The following FSTL4 variants were observed in gnomAD, a reference collection of about 807,000 sequenced individuals.
FSTL4 encodes follistatin like 4, also known as follistatin-related protein 4.
In FSTL4, 28 loss-of-function variants were observed where a neutral mutation model predicts 78.2. The ratio of observed to expected loss-of-function variants is 0.36; its 90% CI spans 0.27 to 0.49. FSTL4 has a LOEUF of 0.49. FSTL4 is among the 20% of genes least tolerant of loss of function. The pLI is 0.98. For synonymous variants in FSTL4, 422 were observed against 440.5 expected (o/e 0.96, Z 0.53); for missense variants, 922 against 1,084.9 (o/e 0.85, Z 2.11).
intron 7 of FSTL4, among the ~76,000 whole-genome samples, chr5:133,239,673 T>C (rs1203174975): frequency 6.6e-6 from 1 of 152,208 alleles, no homozygotes; most frequent in Non-Finnish European, 1.5e-5. Context: ...TCAAGGTTTG[T>C]AAACCCACCA....
chr5:133,422,804 T>G (rs775586054), intron 3 of FSTL4, among the ~76,000 whole-genome samples: 4 of 152,394 alleles, frequency 2.6e-5, no homozygotes, highest in Admixed American at 6.5e-5. Context: ...ATTCTATCTC[T>G]ACATTAGGAA....
intron 3 of FSTL4, among the ~76,000 whole-genome samples, chr5:133,470,927 G>A (rs1296063822): frequency 6.6e-6 from 1 of 151,956 alleles, no homozygotes; most frequent in East Asian, 1.9e-4. Flanking sequence ...TAAGAGAAAA[G>A]TAACAGAAAA....
At chr5:133,280,343 T>G (rs150495477) in intron 6 of FSTL4, among the ~76,000 whole-genome samples, 29 of 152,242 alleles carry the variant, frequency 1.9e-4, no homozygotes, top group South Asian at 4.1e-4. Context: ...AATGGCAGGT[T>G]GCAGGCTCAG....
At chr5:133,412,443 C>A (rs1208781840) in intron 3 of FSTL4, among the ~76,000 whole-genome samples, 1 of 152,178 alleles carries the variant, frequency 6.6e-6, no homozygotes, top group Non-Finnish European at 1.5e-5. Context: ...GATGCTGGGG[C>A]AACCTGCTAT....
chr5:133,333,389 C>T (rs1430663022), intron 4 of FSTL4, among the ~76,000 whole-genome samples: 1 of 152,244 alleles, frequency 6.6e-6, no homozygotes, highest in Non-Finnish European at 1.5e-5. Context: ...CTGCCCATCT[C>T]CACCTCCTTT....
the FSTL4 span, chr5:133,720,350 T>C: frequency 1.3e-5 from 2 of 152,220 alleles, no homozygotes; most frequent in African/African-American, 4.8e-5. Flanking sequence ...TAATCTGAGG[T>C]GGACTTTGCT....
At chr5:133,708,398 T>C in the FSTL4 span, among the ~76,000 whole-genome samples, 1 of 152,130 alleles carries the variant, frequency 6.6e-6, no homozygotes, top group African/African-American at 2.4e-5. Flanking sequence ...GAGGCTGCTA[T>C]ACTAGGGCTA....
chr5:133,396,345 G>A (rs1306043096), intron 4 of FSTL4, among the ~76,000 whole-genome samples: 2 of 152,230 alleles, frequency 1.3e-5, no homozygotes, highest in Non-Finnish European at 1.5e-5. Flanking sequence ...TACAGATGAA[G>A]TAAATGAGGC....
At chr5:133,760,787 G>T in the FSTL4 span, among the ~76,000 whole-genome samples, 10 of 152,188 alleles carry the variant, frequency 6.6e-5, no homozygotes, top group Non-Finnish European at 1.2e-4. Context: ...CAAGAAAAAT[G>T]AATATCTCAA....
chr5:133,539,949 G>GTTTTTTTTTTTT (rs10623473), intron 3 of FSTL4, among the ~76,000 whole-genome samples: 1 of 147,190 alleles, frequency 6.8e-6, no homozygotes. Flanking sequence ...TTCTGTGAAG[G>GTTTTTTTTTTTT]TTTTTTTTTT....
At chr5:133,575,016 A>C (rs1255404677) in intron 2 of FSTL4, 4 of 152,164 alleles carry the variant, frequency 2.6e-5, no homozygotes, top group Non-Finnish European at 5.9e-5. Flanking sequence ...CAAAATATTA[A>C]CCAAGTGCTA....
chr5:133,345,370 G>A (rs1214495862), intron 4 of FSTL4, among the ~76,000 whole-genome samples: 1 of 152,082 alleles, frequency 6.6e-6, no homozygotes. Context: ...TATTCCGTAG[G>A]TTGCCTGTTC....
the FSTL4 span, among the ~76,000 whole-genome samples, chr5:133,621,227 T>C: frequency 6.6e-5 from 10 of 152,170 alleles, no homozygotes; most frequent in East Asian, 1.5e-3. Context: ...GGTGAAACCC[T>C]GTCTCTACTA....
intron 6 of FSTL4, among the ~76,000 whole-genome samples, chr5:133,270,731 C>T (rs1037430926): frequency 1.3e-5 from 2 of 152,116 alleles, no homozygotes; most frequent in African/African-American, 2.4e-5. Context: ...GATGACAATG[C>T]GGGGACTGGG....
intron 3 of FSTL4, among the ~76,000 whole-genome samples, chr5:133,479,660 T>A (rs1757988781): frequency 6.6e-6 from 1 of 151,922 alleles, no homozygotes; most frequent in East Asian, 1.9e-4. Flanking sequence ...AAAAAGTGAG[T>A]TAGGGGTTGC....
rs137915637 is a variant in FSTL4 at position 133,557,741 on chromosome 5, C to T, written c.160+9445G>A. ...TGGAGGGAGAAGCCAGGTCCTTACA[C>T]TCCATATCAAGTATATCTGAAGCCC... On this transcript the variant is annotated intron_variant, in intron 3 of 15. Transcript: ENST00000265342. Among the ~76,000 whole-genome samples, 180 of 152,340 alleles carry T rather than the reference C, an allele frequency of 1.2e-3. 1 individual carries two copies. The highest frequency in any genetic ancestry group is 4.0e-3 in the African/African-American group (166 of 41,576).
the FSTL4 span, among the ~76,000 whole-genome samples, chr5:133,811,609 G>T: frequency 1.3e-5 from 2 of 152,182 alleles, no homozygotes; most frequent in African/African-American, 4.8e-5. Context: ...ACCACACAGG[G>T]CTAAGGAGTT....
At chr5:133,285,078 T>C (rs1367040168) in intron 6 of FSTL4, among the ~76,000 whole-genome samples, 1 of 152,146 alleles carries the variant, frequency 6.6e-6, no homozygotes, top group African/African-American at 2.4e-5. Context: ...CTGAGAGTGG[T>C]CAAAACATGG....
At chr5:133,527,116 A>G (rs1759146805) in intron 3 of FSTL4, among the ~76,000 whole-genome samples, 1 of 152,156 alleles carries the variant, frequency 6.6e-6, no homozygotes, top group African/African-American at 2.4e-5. Context: ...CAGTCCCCAC[A>G]TGTCCTCTCG....
Sources: gnomAD v4.1 joint callset for allele counts (sites outside exome capture counted in the v4.1 genomes callset) on GRCh38, gnomAD v4.1.1 for gene constraint, MANE v1.5 for transcripts, NCBI Gene and HGNC (gene_info 2026-07-23, HGNC 2026-07-21) for gene names.